NTM: variants seen among roughly 807,000 people sequenced by gnomAD.
NTM encodes the protein IgLON family member 2.
A neutral mutation model predicts 42.1 loss-of-function variants in NTM; 13 were observed. The ratio of observed to expected loss-of-function variants is 0.31; its 90% confidence interval spans 0.20 to 0.49. The LOEUF is 0.49. NTM is among the 20% of genes least tolerant of loss of function. The pLI is 0.99. For synonymous variants in NTM, 187 were observed against 179.2 expected, an observed-to-expected ratio of 1.04 and a Z score of -0.35; for missense variants, 373 against 452.8, an observed-to-expected ratio of 0.82 and a Z score of 1.60.
chr11:132,245,637 G>A (rs2091005702), intron 4 of NTM, among the ~76,000 whole-genome samples: 1 of 152,074 alleles, frequency 6.6e-6, no homozygotes, highest in Non-Finnish European at 1.5e-5. Context: ...GTCCTGGTGC[G>A]GGGCAGAGCG....
At position 132,002,472 on chromosome 11, in the gene NTM, C is replaced by T. The variant is rs184872208; in HGVS notation, c.167+90824C>T. Among the ~76,000 whole-genome samples, 21 of 152,162 alleles carry T rather than the reference C, an allele frequency of 1.4e-4. No homozygotes were observed. Among genetic ancestry groups the T allele is most frequent in the Admixed American group, 1.1e-3 (17 of 15,286 alleles). ...GAGTGTCAGTGATCAACAATTAACCCTACGTCTCAATTCATCATAAGCAAA... is the reference window on the plus strand; with the variant it reads ...GAGTGTCAGTGATCAACAATTAACCTTACGTCTCAATTCATCATAAGCAAA... On this transcript the variant is annotated intron_variant, in intron 2 of 8. Transcript: ENST00000683400. This position sits in a 1 kb window ranked among gnomAD's most constrained non-coding sequence, Gnocchi z 4.5.
chr11:132,221,046 T>C (rs554829971), intron 4 of NTM, among the ~76,000 whole-genome samples: 1 of 152,266 alleles, frequency 6.6e-6, no homozygotes, highest in East Asian at 1.9e-4. Context: ...GTTTCTTGTG[T>C]AGGACCCTCC....
intron 1 of NTM, among the ~76,000 whole-genome samples, chr11:131,805,528 C>G (rs2092431206): frequency 6.6e-6 from 1 of 152,124 alleles, no homozygotes; most frequent in African/African-American, 2.4e-5. Flanking sequence ...AAGCTTTATT[C>G]CTTAATTTAA....
At chr11:132,127,798 C>A (rs548111766) in intron 2 of NTM, among the ~76,000 whole-genome samples, 1 of 152,148 alleles carries the variant, frequency 6.6e-6, no homozygotes, top group African/African-American at 2.4e-5. Flanking sequence ...TTTTCTGGGG[C>A]GAGCAAATTG....
rs111513765 is a variant in NTM, at chr11:132,313,367, G to A, written c.783-1185G>A. ...CCTGAATCTGTTCCAGTGTGCTCCCGCCATGTTATTATCTGCTTGCTACAA... is the reference window on the plus strand; with the variant it reads ...CCTGAATCTGTTCCAGTGTGCTCCCACCATGTTATTATCTGCTTGCTACAA... On this transcript the variant is annotated intron_variant, in intron 6 of 8. Transcript: ENST00000683400. 2.3e-3 allele frequency among the ~76,000 whole-genome samples: 353 copies of A among 152,052 alleles called. 2 individuals are homozygous for A. The highest frequency in any genetic ancestry group is 8.1e-3 in the African/African-American group (336 of 41,418).
At chr11:132,153,779 A>G (rs2072523361) in intron 3 of NTM, among the ~76,000 whole-genome samples, 2 of 152,190 alleles carry the variant, frequency 1.3e-5, no homozygotes, top group South Asian at 4.1e-4. Flanking sequence ...GGACACAAAG[A>G]TTCAGACAGA....
At chr11:131,371,923 G>A (rs775183668) in intron 1 of NTM, among the ~76,000 whole-genome samples, 1 of 152,194 alleles carries the variant, frequency 6.6e-6, no homozygotes, top group African/African-American at 2.4e-5. Context: ...TGGGAGGTGA[G>A]GCTCAGTCCT....
In NTM at chr11:131,983,432, G is replaced by C. The variant is rs2065585143; in HGVS notation, c.167+71784G>C. ...GCTCTGTCTCCTAGGCCAGAGTGCA[G>C]TGGTGTGATCTTGGCTCACTGCAAC... On this transcript the variant is annotated intron_variant, in intron 2 of 8. Transcript: ENST00000683400. Among the ~76,000 whole-genome samples, 6 of 141,478 alleles carry C rather than the reference G, an allele frequency of 4.2e-5. No individual in the cohort carries two copies. In the Admixed American group the frequency reaches 4.5e-4, roughly 11 times the overall value. The allele number at this position is 141,478 out of a possible 152,430, so 92.8% of individuals were successfully genotyped here.
At chr11:132,324,901 G>C (rs1047059713) in intron 7 of NTM, among the ~76,000 whole-genome samples, 294 of 151,050 alleles carry the variant, frequency 1.9e-3, no homozygotes, top group Non-Finnish European at 3.0e-3. Context: ...ACAAACCTGA[G>C]AAAAACAAGC....
intron 1 of NTM, among the ~76,000 whole-genome samples, chr11:131,776,055 T>TG (rs2086917900): frequency 6.6e-6 from 1 of 152,226 alleles, no homozygotes; most frequent in South Asian, 2.1e-4. Flanking sequence ...CATATATCTC[T>TG]GGCCCCTGTG....
intron 2 of NTM, among the ~76,000 whole-genome samples, chr11:132,117,479 G>A (rs2064074418): frequency 6.6e-6 from 1 of 152,144 alleles, no homozygotes; most frequent in Non-Finnish European, 1.5e-5. Flanking sequence ...AGAAGTGAAG[G>A]GCTGTGATTT....
intron 1 of NTM, among the ~76,000 whole-genome samples, chr11:131,689,616 A>C (rs1453147246): frequency 1.3e-5 from 2 of 152,126 alleles, no homozygotes; most frequent in African/African-American, 4.8e-5. Flanking sequence ...GTGGAGGTGA[A>C]GTCCTTTAGG....
chr11:132,306,176 GTTGTTA>G (rs1363992268), intron 4 of NTM: 2 of 152,192 alleles, frequency 1.3e-5, no homozygotes, highest in Admixed American at 6.5e-5. Flanking sequence ...TGTTGTTGCT[GTTGTTA>G]TTGTTATTGT....
At chr11:132,065,110 A>G (rs1184547343) in intron 2 of NTM, among the ~76,000 whole-genome samples, 4 of 152,194 alleles carry the variant, frequency 2.6e-5, no homozygotes, top group Non-Finnish European at 4.4e-5. Flanking sequence ...AAACTCCTAC[A>G]GCTGGCTGTC....
chr11:131,484,139 A>G (rs560934109), intron 1 of NTM, among the ~76,000 whole-genome samples: 12 of 152,210 alleles, frequency 7.9e-5, no homozygotes, highest in Non-Finnish European at 1.6e-4. Flanking sequence ...AAGTAGATCC[A>G]AAAGAAAGCA....
intron 7 of NTM, among the ~76,000 whole-genome samples, chr11:132,322,066 G>A (rs1592023339): frequency 6.6e-6 from 1 of 152,146 alleles, no homozygotes; most frequent in African/African-American, 2.4e-5. Flanking sequence ...ACCATCCACT[G>A]CAAAAACAGG....
intron 2 of NTM, among the ~76,000 whole-genome samples, chr11:132,049,381 G>A (rs976368323): frequency 1.2e-3 from 183 of 152,268 alleles, no homozygotes; most frequent in Non-Finnish European, 2.1e-4. Flanking sequence ...GGCCGCACCT[G>A]AGGAGGGAGC....
At chr11:131,874,709 A>C (rs2048321916) in intron 1 of NTM, among the ~76,000 whole-genome samples, 1 of 152,200 alleles carries the variant, frequency 6.6e-6, no homozygotes, top group African/African-American at 2.4e-5. Flanking sequence ...AAACTAGTTC[A>C]TCTAAATGTA....
chr11:131,470,156 A>G (rs1190490597), intron 1 of NTM, among the ~76,000 whole-genome samples: 1 of 152,180 alleles, frequency 6.6e-6, no homozygotes. Context: ...TGGGCAGGAC[A>G]TGGTTACTTT....
Sources: allele counts gnomAD v4.1 joint callset (sites outside exome capture counted in the v4.1 genomes callset), GRCh38; gene constraint gnomAD v4.1.1; non-coding constraint Gnocchi (gnomAD v3.1); transcripts MANE v1.5; gene names NCBI Gene and HGNC (gene_info 2026-07-23, HGNC 2026-07-21).